Variants in NRXN1 observed in about 807,000 individuals in gnomAD.
The protein encoded by NRXN1 is neurexin 1, also known as neurexin-1.
A neutral mutation model predicts 150.9 loss-of-function variants in NRXN1; 39 were observed. That is an observed-to-expected ratio of 0.26 (90% CI 0.20 to 0.34). The LOEUF (loss-of-function observed/expected upper bound fraction) is 0.34, where lower values mean the gene tolerates loss of function less well. Ranked by LOEUF, NRXN1 falls within the 10% of genes least tolerant of loss-of-function variation. NRXN1 has a pLI of 1.00. For missense variants in NRXN1, 1,815 were observed against 1,949.9 expected, an observed-to-expected ratio of 0.93 and a Z score of 1.30; for synonymous variants, 924 against 757.0, an observed-to-expected ratio of 1.22 and a Z score of -3.62.
intron 18 of NRXN1, among the ~76,000 whole-genome samples, chr2:50,230,409 G>T (rs973356781): frequency 6.6e-6 from 1 of 152,046 alleles, no homozygotes; most frequent in African/African-American, 2.4e-5. Flanking sequence ...TTTAGGTACA[G>T]AATTTGCCTT....
At chr2:50,601,370 A>C (rs901347043) in intron 8 of NRXN1, among the ~76,000 whole-genome samples, 3 of 152,200 alleles carry the variant, frequency 2.0e-5, no homozygotes, top group African/African-American at 7.2e-5. Context: ...CTGTTCTTCA[A>C]GTAGTATAAT....
At chr2:50,031,678 G>A (rs952875290) in intron 21 of NRXN1, among the ~76,000 whole-genome samples, 1 of 152,052 alleles carries the variant, frequency 6.6e-6, no homozygotes, top group Non-Finnish European at 1.5e-5. Context: ...GAAGAGAAAT[G>A]CAATTTGTCT....
In NRXN1 at chr2:50,932,256, C is replaced by T. The variant is rs183148508; in HGVS notation, c.773-6301G>A. Among the ~76,000 whole-genome samples, 468 of 151,974 alleles carry T rather than the reference C, an allele frequency of 3.1e-3. 4 individuals are homozygous for T. The highest frequency in any genetic ancestry group is 8.3e-3 in the Admixed American group (126 of 15,268). On this transcript the variant is annotated intron_variant, in intron 2 of 22. Transcript: ENST00000401669. ...GACAAAAATTGGCTGGGCATGGTGG[C>T]ACATGCCTGTAATCCCAGCTACTCA...
At chr2:50,284,248 A>C (rs73930328) in intron 17 of NRXN1, among the ~76,000 whole-genome samples, 1 of 152,106 alleles carries the variant, frequency 6.6e-6, no homozygotes, top group Non-Finnish European at 1.5e-5. Context: ...ATTTCTCTTC[A>C]TGTCTTAATC....
At chr2:50,994,735 C>T (rs186503758) in intron 2 of NRXN1, among the ~76,000 whole-genome samples, 86 of 152,102 alleles carry the variant, frequency 5.7e-4, no homozygotes, top group African/African-American at 1.9e-3. Context: ...GTAGTACACA[C>T]ATCTGAGTTT....
chr2:50,775,376 C>G (rs993081800), intron 5 of NRXN1, among the ~76,000 whole-genome samples: 21 of 152,242 alleles, frequency 1.4e-4, no homozygotes, highest in African/African-American at 4.6e-4. Context: ...AAAGCCTCAT[C>G]TTTTCCTTAG....
chr2:50,344,692 C>A (rs2077803208), intron 17 of NRXN1, among the ~76,000 whole-genome samples: 1 of 152,170 alleles, frequency 6.6e-6, no homozygotes, highest in South Asian at 2.1e-4. Context: ...CTGACTGGGG[C>A]AGAAGCTTGC....
intron 18 of NRXN1, among the ~76,000 whole-genome samples, chr2:50,108,639 T>C (rs1379276889): frequency 6.6e-6 from 1 of 152,136 alleles, no homozygotes; most frequent in Admixed American, 6.5e-5. Context: ...AAGTTCACTA[T>C]GCATTTTTGA....
intron 5 of NRXN1, among the ~76,000 whole-genome samples, chr2:50,708,937 T>TG (rs1407697535): frequency 6.6e-6 from 1 of 152,194 alleles, no homozygotes; most frequent in Non-Finnish European, 1.5e-5. Flanking sequence ...ACAAGCCTGT[T>TG]GGTGCTTTGG....
chr2:50,393,936 G>C lies in NRXN1; in HGVS notation c.3364+71506C>G, dbSNP rs181043990. Among the ~76,000 whole-genome samples the C allele has an allele frequency of 1.7e-3, 256 of 152,134 alleles. 1 individual carries two copies. The highest frequency in any genetic ancestry group is 3.4e-3 in the Admixed American group (52 of 15,272). ...GTTGTCTCCATGTTGCCATTTTCTA[G>C]GTTTTGTAATTGAAGAATGTTTCTC... On this transcript the variant is annotated intron_variant, in intron 17 of 22. Transcript: ENST00000401669.
chr2:50,381,943 A>G (rs1430350323), intron 17 of NRXN1, among the ~76,000 whole-genome samples: 1 of 152,112 alleles, frequency 6.6e-6, no homozygotes, highest in Non-Finnish European at 1.5e-5. Flanking sequence ...GTAGAATCCT[A>G]TGAATTCCAG....
Position 50,091,387 on chromosome 2 carries a change from C to T in NRXN1, c.3654G>A (p.Thr1218=), listed in dbSNP as rs765748728. ...GCAACGTGGCATTGCCACCACTCCT[C>T]GTGAAACGAACTACATGGTATTTCC... ...NDGKYHVVRF[T]RSGGNATLQV... The change falls in exon 19 of 23, where the codon ACG becomes ACA. Residue 1218 remains threonine (T), a synonymous_variant. Coordinates refer to ENST00000401669, the MANE Select transcript of NRXN1 (RefSeq NM_001330078.2). 17 of 1,614,194 alleles carry T rather than the reference C, an allele frequency of 1.1e-5. No individual in the cohort carries two copies. Among genetic ancestry groups the T allele is most frequent in the East Asian group, 4.5e-5 (2 of 44,878 alleles).
intron 17 of NRXN1, among the ~76,000 whole-genome samples, chr2:50,453,211 T>C (rs1165298283): frequency 1.3e-5 from 2 of 149,140 alleles, no homozygotes; most frequent in East Asian, 2.0e-4. Context: ...TGTAAGGGTA[T>C]ATTAGAATCA....
At chr2:50,694,745 G>A (rs1002842651) in intron 5 of NRXN1, among the ~76,000 whole-genome samples, 5 of 152,076 alleles carry the variant, frequency 3.3e-5, no homozygotes, top group Non-Finnish European at 7.4e-5. Flanking sequence ...AGGTAAAATC[G>A]GTTAATCCTT....
chr2:51,028,220 C>G lies in NRXN1; in HGVS notation c.54G>C (p.Leu18=). 1 of 1,478,188 alleles carries G rather than the reference C, an allele frequency of 6.8e-7. No individual in the cohort carries two copies. 91.6% of individuals were successfully genotyped at this position (1,478,188 alleles called of 1,614,324 possible). A position where few individuals can be genotyped will look rare whatever the true frequency, so the allele number is the denominator to read the frequency against. ...RGGCFLLCLS[L]LLLGCWAELG... ...GCTCCGCCCAGCAGCCCAGGAGCAG[C>G]AGCGAGAGGCACAGAAGAAAACAGC... The change falls in exon 2 of 23, where the codon CTG becomes CTC. Residue 18 remains leucine (L), a synonymous_variant. Transcript: ENST00000401669.
intron 18 of NRXN1, among the ~76,000 whole-genome samples, chr2:50,222,703 T>A (rs2063991792): frequency 6.6e-6 from 1 of 151,864 alleles, no homozygotes; most frequent in Admixed American, 6.6e-5. Context: ...GATCATATGC[T>A]CTAAAATGAA....
intron 5 of NRXN1, among the ~76,000 whole-genome samples, chr2:50,679,897 C>G (rs1559114431): frequency 6.6e-6 from 1 of 152,020 alleles, no homozygotes; most frequent in Non-Finnish European, 1.5e-5. Context: ...CTTTGGGAGG[C>G]CAAGATGGGC....
intron 18 of NRXN1, among the ~76,000 whole-genome samples, chr2:50,136,113 G>T (rs1009361085): frequency 1.3e-5 from 2 of 152,132 alleles, no homozygotes; most frequent in African/African-American, 4.8e-5. Context: ...GGAATAAATG[G>T]TTGGAAGGTT....
At chr2:50,154,806 A>G (rs58059970) in intron 18 of NRXN1, among the ~76,000 whole-genome samples, 1,628 of 151,806 alleles carry the variant, frequency 0.011, 35 homozygotes, top group African/African-American at 0.038. Flanking sequence ...ACCAAGGAGG[A>G]TTTTGAATAC....
Sources: gnomAD v4.1 joint callset for allele counts (sites outside exome capture counted in the v4.1 genomes callset) on GRCh38, gnomAD v4.1.1 for gene constraint, MANE v1.5 for transcripts, NCBI Gene and HGNC (gene_info 2026-07-23, HGNC 2026-07-21) for gene names.